L3MBTL4: variants seen among roughly 807,000 people sequenced by gnomAD.
L3MBTL4 encodes L3MBTL histone methyl-lysine binding protein 4, also known as lethal(3)malignant brain tumor-like protein 4.
L3MBTL4 carries 70 observed loss-of-function variants against 84.5 expected under a neutral mutation model. The ratio of observed to expected loss-of-function variants is 0.83; its 90% confidence interval spans 0.68 to 1.01. L3MBTL4 has a LOEUF of 1.01. Among genes scored for constraint, L3MBTL4 ranks in the 50% least tolerant of loss-of-function variants. The pLI is 0.00. For synonymous variants in L3MBTL4, 274 were observed against 259.8 expected, an observed-to-expected ratio of 1.05 and a Z score of -0.52; for missense variants, 715 against 754.8, an observed-to-expected ratio of 0.95 and a Z score of 0.62.
chr18:6,403,721 T>C lies in L3MBTL4; in HGVS notation c.-91+11080A>G, dbSNP rs550029305. ...TGTTATCAAAACACTAAAACTACCA[T>C]TTGATCCAGCAATCCCACTACTGGG... On this transcript the variant is annotated intron_variant, in intron 1 of 18. Coordinates refer to ENST00000317931, the MANE Select transcript of L3MBTL4 (RefSeq NM_001330559.2). Among the ~76,000 whole-genome samples the C allele has an allele frequency of 7.2e-5, 11 of 152,342 alleles. No homozygotes were observed. In the East Asian group the frequency reaches 2.1e-3, roughly 29 times the overall value.
intron 14 of L3MBTL4, among the ~76,000 whole-genome samples, chr18:6,104,108 G>A (rs908868530): frequency 6.6e-6 from 1 of 152,132 alleles, no homozygotes; most frequent in African/African-American, 2.4e-5. Flanking sequence ...GTGAGGATGT[G>A]AAAAAACTGG....
chr18:6,105,668 C>T lies in L3MBTL4; in HGVS notation c.1200-12140G>A, dbSNP rs185239650. Among the ~76,000 whole-genome samples the T allele has an allele frequency of 7.1e-3, 1,077 of 151,708 alleles. 46 individuals are homozygous for T. Among genetic ancestry groups the T allele is most frequent in the Admixed American group, 0.053 (806 of 15,264 alleles). On this transcript the variant is annotated intron_variant, in intron 14 of 18. Transcript: ENST00000317931. Reference sequence around the variant, plus strand: ...ACAAAAAATTAGCCAGGAGTGATGGCGGGTGCCTGTAATCCCAGCTACTCT... The same window carrying T: ...ACAAAAAATTAGCCAGGAGTGATGGTGGGTGCCTGTAATCCCAGCTACTCT...
chr18:6,389,509 A>C (rs1345477589), intron 1 of L3MBTL4, among the ~76,000 whole-genome samples: 1 of 152,146 alleles, frequency 6.6e-6, no homozygotes, highest in Non-Finnish European at 1.5e-5. Flanking sequence ...GATTGGCAGA[A>C]TGCTTAAAAA....
intron 10 of L3MBTL4, among the ~76,000 whole-genome samples, chr18:6,237,253 A>G (rs1599280328): frequency 6.6e-6 from 1 of 152,258 alleles, no homozygotes; most frequent in South Asian, 2.1e-4. Flanking sequence ...TTACTGCTTT[A>G]GATTTCTGTA....
In L3MBTL4 at chr18:6,263,937, A is replaced by G. The variant is rs373491228; in HGVS notation, c.219+10T>C. 4.4e-6 allele frequency: 7 copies of G among 1,601,406 alleles called. No individual in the cohort carries two copies. Among genetic ancestry groups the G allele is most frequent in the Middle Eastern group, 1.7e-4 (1 of 6,056 alleles). ...TTCCTTGCAAAAATATAAGTCCTTCAGTGGCTGACCTTGGAAAACAGCTCA... is the reference window on the plus strand; with the variant it reads ...TTCCTTGCAAAAATATAAGTCCTTCGGTGGCTGACCTTGGAAAACAGCTCA... On this transcript the variant is annotated intron_variant, in intron 5 of 18. Coordinates refer to ENST00000317931, the MANE Select transcript of L3MBTL4 (RefSeq NM_001330559.2).
chr18:6,228,612 A>G (rs1311632871), intron 10 of L3MBTL4, among the ~76,000 whole-genome samples: 2 of 152,226 alleles, frequency 1.3e-5, no homozygotes, highest in Admixed American at 6.5e-5. Flanking sequence ...AGGAGAGCAT[A>G]TAAGTACATG....
chr18:6,051,413 C>T (rs1220474143), intron 16 of L3MBTL4, among the ~76,000 whole-genome samples: 1 of 152,148 alleles, frequency 6.6e-6, no homozygotes, highest in Non-Finnish European at 1.5e-5. Context: ...ATGGCGCATG[C>T]CTGTAATCCC....
chr18:5,962,353 T>A (rs113594041), intron 17 of L3MBTL4, among the ~76,000 whole-genome samples: 5 of 152,000 alleles, frequency 3.3e-5, no homozygotes, highest in African/African-American at 1.2e-4. Flanking sequence ...GCATAGAGAA[T>A]CCCAGCAAAC....
intron 16 of L3MBTL4, among the ~76,000 whole-genome samples, chr18:6,062,834 T>C (rs555811680): frequency 1.3e-5 from 2 of 151,806 alleles, no homozygotes; most frequent in South Asian, 4.1e-4. Flanking sequence ...TTCCAATTTT[T>C]TTTTTTTTAA....
At chr18:5,990,096 G>A (rs1361104558) in intron 16 of L3MBTL4, among the ~76,000 whole-genome samples, 1 of 152,186 alleles carries the variant, frequency 6.6e-6, no homozygotes, top group East Asian at 1.9e-4. Flanking sequence ...ACTCAGAAGG[G>A]CTTGCATTGT....
intron 16 of L3MBTL4, among the ~76,000 whole-genome samples, chr18:6,067,962 T>C (rs1399523421): frequency 6.6e-6 from 1 of 152,214 alleles, no homozygotes; most frequent in Admixed American, 6.5e-5. Context: ...TGACTGTGTT[T>C]TTTTCTTTAA....
intron 4 of L3MBTL4, among the ~76,000 whole-genome samples, chr18:6,268,534 C>G (rs1029383525): frequency 3.9e-5 from 6 of 152,198 alleles, no homozygotes; most frequent in African/African-American, 1.4e-4. Flanking sequence ...ACAGAAGGAA[C>G]CAGCTATGAG....
intron 16 of L3MBTL4, among the ~76,000 whole-genome samples, chr18:6,023,679 G>C (rs1168774083): frequency 6.6e-6 from 1 of 152,198 alleles, no homozygotes; most frequent in Non-Finnish European, 1.5e-5. Context: ...TAAAGTAATT[G>C]TAACTGAAAA....
chr18:6,019,812 T>C (rs2055170063), intron 16 of L3MBTL4, among the ~76,000 whole-genome samples: 2 of 152,162 alleles, frequency 1.3e-5, no homozygotes, highest in Non-Finnish European at 2.9e-5. Flanking sequence ...CAGACAAAGT[T>C]AGCCACTCCC....
chr18:6,213,763 T>A (rs1049263349), intron 11 of L3MBTL4, among the ~76,000 whole-genome samples: 3 of 152,218 alleles, frequency 2.0e-5, no homozygotes, highest in African/African-American at 7.2e-5. Context: ...TTTCATCCGA[T>A]TCACAAAAAC....
intron 16 of L3MBTL4, 105 bp from the exon 17 acceptor site, chr18:5,969,667 G>A (rs1166379106): frequency 4.6e-6 from 5 of 1,094,622 alleles, no homozygotes; most frequent in East Asian, 2.6e-5. Context: ...GGAAAGTGCA[G>A]ACACCACCAG....
chr18:6,388,395 G>T (rs1230022347), intron 1 of L3MBTL4, among the ~76,000 whole-genome samples: 1 of 152,158 alleles, frequency 6.6e-6, no homozygotes, highest in Non-Finnish European at 1.5e-5. Flanking sequence ...GAGTAAAAAA[G>T]TTGATACCTA....
At chr18:6,166,587 A>C (rs1407830181) in intron 13 of L3MBTL4, among the ~76,000 whole-genome samples, 1 of 152,246 alleles carries the variant, frequency 6.6e-6, no homozygotes, top group African/African-American at 2.4e-5. Flanking sequence ...TACTGGGTAC[A>C]TAACAAAATG....
intron 16 of L3MBTL4, among the ~76,000 whole-genome samples, chr18:5,988,107 GA>G: frequency 6.6e-6 from 1 of 152,244 alleles, no homozygotes; most frequent in Non-Finnish European, 1.5e-5. Flanking sequence ...AGAGCTGCCA[GA>G]GATGGCAGAG....
Sources: allele counts gnomAD v4.1 joint callset (sites outside exome capture counted in the v4.1 genomes callset), GRCh38; gene constraint gnomAD v4.1.1; transcripts MANE v1.5; gene names NCBI Gene and HGNC (gene_info 2026-07-23, HGNC 2026-07-21).